TXNRD2: variants seen among roughly 807,000 people sequenced by gnomAD.
TXNRD2 encodes thioredoxin reductase 2, also known as thioredoxin reductase 2, mitochondrial.
A neutral mutation model predicts 70.8 loss-of-function variants in TXNRD2; 67 were observed. That is an observed-to-expected ratio of 0.95 (90% CI 0.78 to 1.16). The LOEUF (loss-of-function observed/expected upper bound fraction) is 1.16, where lower values mean the gene tolerates loss of function less well. Among genes scored for constraint, TXNRD2 ranks in the 50% most tolerant of loss-of-function variants. The pLI is 0.00. For missense variants in TXNRD2, 644 were observed against 719.9 expected (o/e 0.89, Z 1.21); for synonymous variants, 301 against 295.8 (o/e 1.02, Z -0.18).
Position 19,875,576 on chromosome 22 carries a change from A to G in TXNRD2, c.*297T>C, listed in dbSNP as rs1030499372. On this transcript the variant is annotated 3_prime_UTR_variant, in exon 18 of 18. Transcript: ENST00000400521. ...TGCAGAAATGCCAGGGGGCTCGGAC[A>G]TGGGTGCCCACAGGGTAGGTTTCCA... The G allele has an allele frequency of 1.3e-5, 2 of 152,222 alleles. No homozygotes were observed. Among genetic ancestry groups the G allele is most frequent in the African/African-American group, 4.8e-5 (2 of 41,452 alleles). The allele number at this position is 152,222 out of a possible 1,614,324, so 9.4% of individuals were successfully genotyped here. A position where few individuals can be genotyped will look rare whatever the true frequency, so the allele number is the denominator to read the frequency against.
At chr22:19,931,272 A>G (rs1381863478) in intron 1 of TXNRD2, among the ~76,000 whole-genome samples, 174 bp from the exon 2 acceptor site, 1 of 152,230 alleles carries the variant, frequency 6.6e-6, no homozygotes, top group African/African-American at 2.4e-5. Flanking sequence ...CCAGAGACCA[A>G]GCCATATGGT....
chr22:19,901,607 T>C (rs893360476), intron 8 of TXNRD2, among the ~76,000 whole-genome samples: 1 of 152,158 alleles, frequency 6.6e-6, no homozygotes, highest in Non-Finnish European at 1.5e-5. Flanking sequence ...ATACGAGAAT[T>C]CCAACAGAGA....
At chr22:19,919,448 G>C (rs1290737617) in intron 3 of TXNRD2, 95 bp downstream of exon 3, 64 of 1,121,522 alleles carry the variant, frequency 5.7e-5, no homozygotes, top group Non-Finnish European at 8.3e-5. Flanking sequence ...CAGCAGGGCT[G>C]AAGGACTTTG....
intron 11 of TXNRD2, among the ~76,000 whole-genome samples, chr22:19,892,494 A>T (rs1476771006): frequency 1.3e-5 from 2 of 152,264 alleles, no homozygotes; most frequent in Non-Finnish European, 2.9e-5. Context: ...CAAAAAAATA[A>T]AACAGACTCC....
At chr22:19,927,803 A>G (rs5993875) in intron 2 of TXNRD2, among the ~76,000 whole-genome samples, 93,475 of 152,000 alleles carry the variant, frequency 0.61, 29,168 homozygotes, top group East Asian at 0.71. Flanking sequence ...CAGTATGCAC[A>G]AATTTCAGTG....
intron 1 of TXNRD2, among the ~76,000 whole-genome samples, chr22:19,931,680 T>G (rs1015940152): frequency 6.6e-6 from 1 of 152,084 alleles, no homozygotes; most frequent in Admixed American, 6.6e-5. Context: ...AATTTTTTTG[T>G]TTTGTAGAGA....
At chr22:19,892,607 G>GC (rs2145961693) in intron 11 of TXNRD2, among the ~76,000 whole-genome samples, 1 of 152,366 alleles carries the variant, frequency 6.6e-6, no homozygotes, top group African/African-American at 2.4e-5. Context: ...CGGGGACACA[G>GC]CCCCCGGCCC....
At chr22:19,903,213 G>A (rs1264941670) in intron 8 of TXNRD2, among the ~76,000 whole-genome samples, 2 of 152,356 alleles carry the variant, frequency 1.3e-5, no homozygotes, top group East Asian at 1.9e-4. Context: ...ACCCCCACGG[G>A]GACCTGGGCA....
intron 4 of TXNRD2, 125 bp from the exon 5 acceptor site, chr22:19,918,342 G>A: frequency 2.1e-6 from 2 of 931,970 alleles, no homozygotes; most frequent in South Asian, 2.9e-5. Flanking sequence ...TGCTTTTAAA[G>A]GTGGCAAAAC....
intron 11 of TXNRD2, among the ~76,000 whole-genome samples, chr22:19,891,915 G>C (rs953151540): frequency 1.3e-5 from 2 of 152,198 alleles, no homozygotes; most frequent in African/African-American, 2.4e-5. Context: ...CAGACTGCAG[G>C]GCCCACTTCG....
At chr22:19,915,735 A>G in intron 6 of TXNRD2, 30 bp downstream of exon 6, 1 of 1,611,026 alleles carries the variant, frequency 6.2e-7, no homozygotes, top group Non-Finnish European at 8.5e-7. Flanking sequence ...AGGGTCCACA[A>G]GGAGCCACGC....
intron 2 of TXNRD2, among the ~76,000 whole-genome samples, chr22:19,925,052 A>AG (rs1251582279): frequency 5.9e-5 from 9 of 151,754 alleles, no homozygotes; most frequent in Non-Finnish European, 1.0e-4. Context: ...TGGGAGGCCA[A>AG]GGGGGGCGGA....
intron 11 of TXNRD2, among the ~76,000 whole-genome samples, chr22:19,884,662 C>T (rs1259378503): frequency 6.6e-6 from 1 of 152,178 alleles, no homozygotes; most frequent in African/African-American, 2.4e-5. Flanking sequence ...CTCCCAATGG[C>T]CTCCTCCCTA....
At chr22:19,887,262 C>T (rs1248305215) in intron 11 of TXNRD2, 1 of 152,224 alleles carries the variant, frequency 6.6e-6, no homozygotes, top group Non-Finnish European at 1.5e-5. Context: ...CCAGGTACAG[C>T]TCTTCAGGCT....
At chr22:19,898,959 A>G (rs1186038907) in intron 9 of TXNRD2, 90 bp downstream of exon 9, 2 of 1,528,678 alleles carry the variant, frequency 1.3e-6, no homozygotes, top group African/African-American at 2.7e-5. Context: ...GGCAGCAAAG[A>G]GCCTGCCGGA....
chr22:19,915,302 G>T (rs746648257), intron 6 of TXNRD2, 26 bp from the exon 7 acceptor site: 3 of 1,608,036 alleles, frequency 1.9e-6, no homozygotes, highest in Non-Finnish European at 2.5e-6. Context: ...GAAAGCCGTG[G>T]GTCAGACAGG....
At chr22:19,897,130 G>A (rs972410262) in intron 10 of TXNRD2, among the ~76,000 whole-genome samples, 1 of 152,206 alleles carries the variant, frequency 6.6e-6, no homozygotes. Context: ...TTTGCACTGA[G>A]GGACATGATG....
At chr22:19,932,316 T>C in intron 1 of TXNRD2, 1 of 1,612,416 alleles carries the variant, frequency 6.2e-7, no homozygotes, top group East Asian at 2.2e-5. Context: ...TCAGGTTTCA[T>C]CCCTGGAATT....
chr22:19,908,235 G>A (rs1940161776), intron 8 of TXNRD2, among the ~76,000 whole-genome samples: 1 of 152,092 alleles, frequency 6.6e-6, no homozygotes, highest in South Asian at 2.1e-4. Flanking sequence ...CCCAGGCCAG[G>A]GGTATGGGAG....
Sources: gnomAD v4.1 joint callset for allele counts (sites outside exome capture counted in the v4.1 genomes callset) on GRCh38, gnomAD v4.1.1 for gene constraint, MANE v1.5 for transcripts, NCBI Gene and HGNC (gene_info 2026-07-23, HGNC 2026-07-21) for gene names.